Variants in KCNH7 observed in about 807,000 individuals in gnomAD.
KCNH7 encodes voltage-gated inwardly rectifying potassium channel KCNH7.
KCNH7 carries 49 observed loss-of-function variants against 120.8 expected under a neutral mutation model. The observed-to-expected ratio is 0.41, with a 90% CI of 0.32 to 0.51. The LOEUF is 0.51. Among genes scored for constraint, KCNH7 ranks in the 20% least tolerant of loss-of-function variants. The pLI is 0.38. For synonymous variants in KCNH7, 547 were observed against 516.1 expected (o/e 1.06, Z -0.81); for missense variants, 1,097 against 1,446.6 (o/e 0.76, Z 3.92).
chr2:162,711,093 A>G (rs1479992528), intron 2 of KCNH7, among the ~76,000 whole-genome samples: 4 of 152,226 alleles, frequency 2.6e-5, no homozygotes, highest in Non-Finnish European at 5.9e-5. Flanking sequence ...GTCTAAAAAT[A>G]ATAGGAAAGT....
intron 2 of KCNH7, among the ~76,000 whole-genome samples, chr2:162,831,325 G>C (rs114732607): frequency 0.016 from 2,381 of 152,254 alleles, 55 homozygotes; most frequent in African/African-American, 0.049. Flanking sequence ...CCAGTATGTA[G>C]AGGATGGATC....
chr2:162,647,541 G>C (rs1684408546), intron 2 of KCNH7, among the ~76,000 whole-genome samples: 1 of 152,178 alleles, frequency 6.6e-6, no homozygotes, highest in Admixed American at 6.6e-5. Flanking sequence ...GGGCCAGGTG[G>C]AGATAATTGA....
intron 2 of KCNH7, among the ~76,000 whole-genome samples, chr2:162,749,112 T>C (rs1205030218): frequency 1.4e-5 from 2 of 140,132 alleles, no homozygotes; most frequent in African/African-American, 2.7e-5. Flanking sequence ...AAAGTGGTTA[T>C]ATTTCTTTCC....
chr2:162,442,822 C>T (rs551779391), intron 7 of KCNH7, among the ~76,000 whole-genome samples: 1 of 152,294 alleles, frequency 6.6e-6, no homozygotes, highest in Admixed American at 6.5e-5. Flanking sequence ...CACCACTGCA[C>T]ACTAGCTTGG....
chr2:162,820,253 G>GTA, intron 2 of KCNH7, among the ~76,000 whole-genome samples: 1 of 148,004 alleles, frequency 6.8e-6, no homozygotes, highest in East Asian at 2.0e-4. Flanking sequence ...GTGTGTGTGT[G>GTA]TTTAGTAGAG....
At chr2:162,471,086 G>A (rs1230360011) in intron 6 of KCNH7, among the ~76,000 whole-genome samples, 2 of 152,078 alleles carry the variant, frequency 1.3e-5, no homozygotes, top group African/African-American at 2.4e-5. Flanking sequence ...CTAATCTCAA[G>A]TACCCAGGGA....
intron 2 of KCNH7, among the ~76,000 whole-genome samples, chr2:162,539,348 G>C (rs567765335): frequency 6.6e-6 from 1 of 151,904 alleles, no homozygotes; most frequent in African/African-American, 2.4e-5. Flanking sequence ...TTGTGAATTC[G>C]CACATTTGCT....
Position 162,583,560 on chromosome 2 carries a change from A to T in KCNH7, c.308-46480T>A, listed in dbSNP as rs549744256. Among the ~76,000 whole-genome samples, 26 of 152,196 alleles carry T rather than the reference A, an allele frequency of 1.7e-4. No individual in the cohort carries two copies. The South Asian group carries it at 3.9e-3, about 23-fold the overall frequency. On this transcript the variant is annotated intron_variant, in intron 2 of 15. Coordinates refer to ENST00000332142, the MANE Select transcript of KCNH7 (RefSeq NM_033272.4). ...TATTTTTAAACAAGCAAGGAAAAAA[A>T]CTCCAAATTCTTCCAGTGCTGACCT...
intron 9 of KCNH7, 196 bp downstream of exon 9, chr2:162,423,140 A>T: frequency 8.7e-7 from 1 of 1,154,816 alleles, no homozygotes; most frequent in Non-Finnish European, 1.2e-6. Context: ...TGCCTTTGCC[A>T]CACAGTATAA....
At chr2:162,463,366 CT>C (rs1318258509) in intron 6 of KCNH7, among the ~76,000 whole-genome samples, 4 of 151,466 alleles carry the variant, frequency 2.6e-5, no homozygotes, top group African/African-American at 7.3e-5. Flanking sequence ...CCTTTCTTCC[CT>C]TTTTTTCTCC....
chr2:162,685,678 G>C (rs1277949136), intron 2 of KCNH7, among the ~76,000 whole-genome samples: 1 of 151,818 alleles, frequency 6.6e-6, no homozygotes, highest in Non-Finnish European at 1.5e-5. Flanking sequence ...CAGCAGTGAT[G>C]GAAGTGCCTG....
chr2:162,724,468 T>C (rs34036867), intron 2 of KCNH7, among the ~76,000 whole-genome samples: 2,787 of 150,706 alleles, frequency 0.018, 44 homozygotes, highest in East Asian at 0.096. Flanking sequence ...GTCAGGAGAT[T>C]GAGACCATCC....
chr2:162,501,423 A>T (rs1437077552), intron 6 of KCNH7, among the ~76,000 whole-genome samples: 5 of 151,996 alleles, frequency 3.3e-5, no homozygotes, highest in Non-Finnish European at 5.9e-5. Context: ...ATACTCCACA[A>T]TTTGTGGGAA....
rs781215953 is a variant in KCNH7 at position 162,504,486 on chromosome 2, T to C, written c.1085A>G (p.Lys362Arg). The C allele has an allele frequency of 3.5e-5, 56 of 1,612,988 alleles. No homozygotes were observed. In the East Asian group the frequency reaches 1.2e-3, roughly 33 times the overall value. Residue 362 changes from lysine (K) to arginine (R), a missense_variant, in exon 6 of 16, where the codon AAG (lysine) becomes AGG (arginine). Physicochemically the swap from Lys to Arg is conservative, Grantham distance 26. Around this residue, in one of 8 missense-constraint regions of KCNH7, gnomAD observed 362 missense variants for 372.2 expected, o/e 0.97. Coordinates refer to ENST00000332142, the MANE Select transcript of KCNH7 (RefSeq NM_033272.4). ...CACATTGTGTGTTCGATCTTTAACC[T>C]TGGGTGCAATAATGGTTTTATCTGA... ...PSSDKTIIAP[K>R]VKDRTHNVTE...
chr2:162,651,809 C>A (rs776221900), intron 2 of KCNH7, among the ~76,000 whole-genome samples: 1 of 152,150 alleles, frequency 6.6e-6, no homozygotes, highest in African/African-American at 2.4e-5. Flanking sequence ...AGTTAATTTA[C>A]ACTCCCACCA....
intron 2 of KCNH7, among the ~76,000 whole-genome samples, chr2:162,752,984 A>AAAAG (rs1383763285): frequency 9.3e-5 from 12 of 128,966 alleles, no homozygotes; most frequent in African/African-American, 3.7e-4. Context: ...AAAAGAAAAG[A>AAAAG]AAAGAAAAGA....
intron 2 of KCNH7, among the ~76,000 whole-genome samples, chr2:162,603,114 C>A (rs1694613864): frequency 2.0e-5 from 3 of 151,958 alleles, no homozygotes; most frequent in South Asian, 4.2e-4. Context: ...GGCAACAATT[C>A]TTTGATTTTT....
chr2:162,620,293 T>C (rs1390466555), intron 2 of KCNH7, among the ~76,000 whole-genome samples: 1 of 151,586 alleles, frequency 6.6e-6, no homozygotes, highest in Admixed American at 6.6e-5. Flanking sequence ...AATTCTATAG[T>C]TAAGGTGTTG....
intron 2 of KCNH7, among the ~76,000 whole-genome samples, chr2:162,831,600 C>A (rs1472672350): frequency 1.3e-5 from 2 of 152,120 alleles, no homozygotes; most frequent in East Asian, 3.9e-4. Flanking sequence ...TAACCGGGTA[C>A]TCTCCTGGCA....
Sources: allele counts gnomAD v4.1 joint callset (sites outside exome capture counted in the v4.1 genomes callset), GRCh38; gene constraint gnomAD v4.1.1; regional missense constraint gnomAD v4.1.1; transcripts MANE v1.5; gene names NCBI Gene and HGNC (gene_info 2026-07-23, HGNC 2026-07-21).